Variants in AK4 observed in about 807,000 individuals in gnomAD.
AK4 encodes adenylate kinase 4.
AK4 carries 13 observed loss-of-function variants against 24.6 expected under a neutral mutation model. That is an observed-to-expected ratio of 0.53 (90% confidence interval 0.34 to 0.84). AK4 has a LOEUF of 0.84. Ranked by LOEUF, AK4 falls within the 40% of genes least tolerant of loss-of-function variation. The pLI, the probability that AK4 is intolerant of heterozygous loss-of-function variation, is 0.01. For missense variants in AK4, 192 were observed against 288.2 expected (o/e 0.67, Z 2.42); for synonymous variants, 88 against 107.0 (o/e 0.82, Z 1.10).
intron 2 of AK4, among the ~76,000 whole-genome samples, chr1:65,203,016 A>T (rs1651711072): frequency 6.6e-6 from 1 of 151,806 alleles, no homozygotes; most frequent in Admixed American, 6.6e-5. Context: ...GAGACTACAG[A>T]TGCAGGCCAC....
intron 1 of AK4, among the ~76,000 whole-genome samples, chr1:65,172,705 A>C (rs966131563): frequency 1.3e-5 from 2 of 152,138 alleles, no homozygotes; most frequent in Non-Finnish European, 2.9e-5. Flanking sequence ...AAAATCTGGC[A>C]GAGTTTGAGG....
At chr1:65,161,403 G>T (rs146806919) in intron 1 of AK4, among the ~76,000 whole-genome samples, 1 of 152,286 alleles carries the variant, frequency 6.6e-6, no homozygotes, top group African/African-American at 2.4e-5. Flanking sequence ...TTCCCAGGAG[G>T]CATGGCGGTG....
chr1:65,158,815 AT>A (rs541179315), intron 1 of AK4, among the ~76,000 whole-genome samples: 2 of 151,736 alleles, frequency 1.3e-5, no homozygotes, highest in South Asian at 2.1e-4. Context: ...CCCAAACTAG[AT>A]TTTTTTTAAA....
chr1:65,224,698 C>T, intron 3 of AK4, 54 bp from the exon 4 acceptor site: 1 of 1,466,154 alleles, frequency 6.8e-7, no homozygotes, highest in Non-Finnish European at 9.5e-7. Flanking sequence ...AGTTTTTAAC[C>T]TATGAAATGG....
At position 65,195,064 on chromosome 1, in the gene AK4, C is replaced by G. The variant is rs551103874; in HGVS notation, c.265+4235C>G. Among the ~76,000 whole-genome samples the G allele has an allele frequency of 1.6e-3, 240 of 152,288 alleles. 1 individual carries two copies. The highest frequency in any genetic ancestry group is 5.6e-3 in the African/African-American group (234 of 41,560). The stretch of plus-strand genomic sequence containing the variant: ...ATAAAGAAAATAAATTTATTTCTCA[C>G]AGTTCTGGAGGCAGGGAAGAGTAAG... On this transcript the variant is annotated intron_variant, in intron 2 of 4. Coordinates refer to ENST00000327299, the MANE Select transcript of AK4 (RefSeq NM_013410.4).
intron 1 of AK4, among the ~76,000 whole-genome samples, chr1:65,159,261 T>C (rs1049225288): frequency 2.0e-5 from 3 of 152,230 alleles, no homozygotes; most frequent in Admixed American, 2.0e-4. Flanking sequence ...GGCCCTGGAC[T>C]GACTAATGAA....
intron 2 of AK4, among the ~76,000 whole-genome samples, chr1:65,199,503 C>G (rs1403868149): frequency 6.6e-6 from 1 of 151,962 alleles, no homozygotes; most frequent in African/African-American, 2.4e-5. Context: ...GAGCCGAGAT[C>G]GTGCTACTGT....
At chr1:65,148,695 A>C in intron 1 of AK4, 143 bp downstream of exon 1, 1 of 1,212,832 alleles carries the variant, frequency 8.2e-7, no homozygotes, top group Non-Finnish European at 1.0e-6. Flanking sequence ...GGGCGCATGC[A>C]GCTGGCGGCC....
rs140593314 is a variant in AK4, at chr1:65,196,717, C to T, written c.265+5888C>T. 8.8e-3 allele frequency among the ~76,000 whole-genome samples: 1,347 copies of T among 152,236 alleles called. 23 individuals are homozygous for T. The highest frequency in any genetic ancestry group is 0.031 in the African/African-American group (1,303 of 41,534). The stretch of plus-strand genomic sequence containing the variant: ...CTGGCCTCAAGTGATCTGCCTGCCT[C>T]GGCTGCCCAAAGTGCTGGGATTACA... On this transcript the variant is annotated intron_variant, in intron 2 of 4. Transcript: ENST00000327299.
At chr1:65,165,596 A>G (rs1363127491) in intron 1 of AK4, among the ~76,000 whole-genome samples, 2 of 151,324 alleles carry the variant, frequency 1.3e-5, no homozygotes, top group African/African-American at 2.4e-5. Flanking sequence ...ATTGAAATCT[A>G]GAGTTGGAGG....
chr1:65,164,072 C>G (rs1262545682), intron 1 of AK4, among the ~76,000 whole-genome samples: 9 of 152,148 alleles, frequency 5.9e-5, no homozygotes, highest in African/African-American at 1.9e-4. Context: ...CCAGAGGCTG[C>G]ATGACCCCTA....
intron 1 of AK4, chr1:65,154,555 A>G (rs1006255864): frequency 1.5e-5 from 8 of 524,456 alleles, no homozygotes; most frequent in African/African-American, 1.3e-4. Context: ...CGTCTGTTCA[A>G]ACCGGCACTG....
At chr1:65,216,943 C>A (rs2101081794) in intron 2 of AK4, among the ~76,000 whole-genome samples, 1 of 152,274 alleles carries the variant, frequency 6.6e-6, no homozygotes, top group South Asian at 2.1e-4. Flanking sequence ...TCAAGTGATC[C>A]CACTGCCTCG....
chr1:65,195,922 C>T (rs1463795626), intron 2 of AK4, among the ~76,000 whole-genome samples: 2 of 152,128 alleles, frequency 1.3e-5, no homozygotes, highest in South Asian at 4.2e-4. Context: ...TTGCTTTTGC[C>T]ATGACTTCCT....
intron 1 of AK4, among the ~76,000 whole-genome samples, chr1:65,162,419 C>G (rs572454269): frequency 6.6e-6 from 1 of 152,196 alleles, no homozygotes; most frequent in East Asian, 1.9e-4. Flanking sequence ...GAGGCATGGC[C>G]AGGAGTTTGG....
At chr1:65,156,995 A>G (rs1053453339) in intron 1 of AK4, among the ~76,000 whole-genome samples, 5 of 152,018 alleles carry the variant, frequency 3.3e-5, no homozygotes, top group South Asian at 4.1e-4. Context: ...ACAATAATCC[A>G]CTGTATGTTA....
chr1:65,201,090 C>G (rs182500633), intron 2 of AK4, among the ~76,000 whole-genome samples: 31 of 152,274 alleles, frequency 2.0e-4, no homozygotes, highest in Admixed American at 2.0e-3. Flanking sequence ...CCAGGCCCAG[C>G]CAGTTTTCAG....
intron 2 of AK4, among the ~76,000 whole-genome samples, chr1:65,212,400 G>C (rs1651999676): frequency 6.6e-6 from 1 of 151,884 alleles, no homozygotes. Context: ...GGGCTCAGGT[G>C]ATCTTCCCAC....
At chr1:65,195,489 T>C (rs1651438602) in intron 2 of AK4, among the ~76,000 whole-genome samples, 1 of 152,170 alleles carries the variant, frequency 6.6e-6, no homozygotes, top group African/African-American at 2.4e-5. Context: ...TTTGTATAGT[T>C]TTAGGGAACT....
Sources: allele counts gnomAD v4.1 joint callset (sites outside exome capture counted in the v4.1 genomes callset), GRCh38; gene constraint gnomAD v4.1.1; transcripts MANE v1.5; gene names NCBI Gene and HGNC (gene_info 2026-07-23, HGNC 2026-07-21).